PRCP: variants seen among roughly 807,000 people sequenced by gnomAD.
PRCP encodes the protein lysosomal Pro-X carboxypeptidase.
In PRCP, 46 loss-of-function variants were observed where a neutral mutation model predicts 54.2. That is an observed-to-expected ratio of 0.85 (90% confidence interval 0.67 to 1.09). The LOEUF is 1.09. Ranked by LOEUF, PRCP falls within the 50% of genes least tolerant of loss-of-function variation. PRCP has a pLI of 0.00. For missense variants in PRCP, 613 were observed against 596.8 expected, an observed-to-expected ratio of 1.03 and a Z score of -0.28; for synonymous variants, 240 against 212.2, an observed-to-expected ratio of 1.13 and a Z score of -1.14.
chr11:82,849,024 T>C, intron 6 of PRCP, 25 bp downstream of exon 6: 1 of 1,596,268 alleles, frequency 6.3e-7, no homozygotes, highest in Admixed American at 1.7e-5. Context: ...TATTAAAAAA[T>C]GATGACAGGA....
chr11:82,895,262 G>A (rs896139231), intron 1 of PRCP, among the ~76,000 whole-genome samples: 4 of 152,190 alleles, frequency 2.6e-5, no homozygotes, highest in Non-Finnish European at 4.4e-5. Context: ...AACTTACTCA[G>A]GTAGTGGCAG....
chr11:82,836,439 T>G (rs958530951), intron 8 of PRCP: 1 of 153,404 alleles, frequency 6.5e-6, no homozygotes, highest in African/African-American at 2.4e-5. Flanking sequence ...CCAAGAAAAC[T>G]CCTTTCATCA....
At chr11:82,841,005 T>G (rs2121104604) in intron 6 of PRCP, among the ~76,000 whole-genome samples, 1 of 96,530 alleles carries the variant, frequency 1.0e-5, no homozygotes, top group East Asian at 2.4e-4. Flanking sequence ...TGACATGAAT[T>G]CAGTAATCTG....
intron 8 of PRCP, among the ~76,000 whole-genome samples, chr11:82,837,929 A>G (rs1174312954): frequency 6.6e-6 from 1 of 152,180 alleles, no homozygotes; most frequent in Non-Finnish European, 1.5e-5. Flanking sequence ...CCTTCACAGT[A>G]AAAAAGGGGC....
intron 8 of PRCP, chr11:82,836,999 T>C (rs1489202428): frequency 3.7e-6 from 1 of 267,168 alleles, no homozygotes; most frequent in Non-Finnish European, 7.5e-6. Context: ...GCTCCACCCT[T>C]ATGAACAGAG....
In PRCP at chr11:82,850,383, G is replaced by C. The variant is rs1858925278; in HGVS notation, c.534C>G (p.Gly178=). ...AGGCGGCAAGCATGCCACCATAGGA[G>C]CCTCCTATGGCAATGACAGGTTGAT... is the stretch of plus-strand genomic sequence containing the variant. ...AENQPVIAIG[G]SYGGMLAAWF... is the part of the protein sequence containing the mutation. The change falls in exon 4 of 9, where the codon GGC becomes GGG. Residue 178 remains glycine, a synonymous_variant. Transcript: ENST00000313010. The C allele has an allele frequency of 6.3e-7, 1 of 1,596,972 alleles. No homozygotes were observed. The highest frequency in any genetic ancestry group is 8.5e-7 in the Non-Finnish European group (1 of 1,170,604).
chr11:82,882,230 C>T (rs995963432), intron 1 of PRCP, among the ~76,000 whole-genome samples: 55 of 151,862 alleles, frequency 3.6e-4, no homozygotes, highest in African/African-American at 1.2e-3. Context: ...TGAAAAAAAA[C>T]GTTTATAAGT....
rs1405437788 is a variant in PRCP, at chr11:82,849,058, C to T, written c.912G>A (p.Trp304Ter). 1 of 1,612,830 alleles carries T rather than the reference C, an allele frequency of 6.2e-7. No homozygotes were observed. Among genetic ancestry groups the T allele is most frequent in the Non-Finnish European group, 8.5e-7 (1 of 1,179,510 alleles). The stretch of plus-strand genomic sequence containing the variant: ...GACATTTTCCTATTACCTTGATAGG[C>T]CAAGCAGGCAAAGGCTGTAAAAAGT... ...ASNFLQPLPAWPIKVVCQYLK... is the reference protein window; with the variant it reads ...ASNFLQPLPA The change falls in exon 6 of 9, where the codon TGG becomes TGA. Residue 304 changes from tryptophan to a stop codon, truncating the protein, a stop_gained. Coordinates refer to ENST00000313010, the MANE Select transcript of PRCP (RefSeq NM_005040.4). LOFTEE classifies it high-confidence loss of function.
At chr11:82,836,423 T>C (rs1449194329) in intron 8 of PRCP, 1 of 153,590 alleles carries the variant, frequency 6.5e-6, no homozygotes. Flanking sequence ...GTCGTCCAAG[T>C]AGGAACCAAG....
chr11:82,896,622 T>C (rs544666195), intron 1 of PRCP, among the ~76,000 whole-genome samples: 1 of 130,792 alleles, frequency 7.6e-6, no homozygotes, highest in African/African-American at 3.0e-5. Flanking sequence ...GATGTTGCAG[T>C]GAGCCGAGAT....
At chr11:82,863,280 G>A (rs7131380) in intron 1 of PRCP, among the ~76,000 whole-genome samples, 59,669 of 152,036 alleles carry the variant, frequency 0.39, 12,631 homozygotes, top group African/African-American at 0.56. Flanking sequence ...AGGTTTCAGA[G>A]TACCTGAAAT....
intron 1 of PRCP, among the ~76,000 whole-genome samples, chr11:82,875,431 C>T (rs1859580593): frequency 6.6e-6 from 1 of 152,168 alleles, no homozygotes; most frequent in Non-Finnish European, 1.5e-5. Context: ...GGTGTGTTAG[C>T]CTCAGGAAAT....
At chr11:82,849,877 A>G (rs770605688) in intron 5 of PRCP, 37 bp downstream of exon 5, 14 of 1,363,000 alleles carry the variant, frequency 1.0e-5, no homozygotes, top group Middle Eastern at 3.9e-4. Context: ...GAAAGGTTAA[A>G]AAAACACACA....
Position 82,824,669 on chromosome 11 carries a change from T to C in PRCP, c.*237A>G. On this transcript the variant is annotated 3_prime_UTR_variant, in exon 9 of 9. Transcript: ENST00000313010. ...CTCCAGTTATGAGGGCCACTGATGG[T>C]GTGGGAGAGCTATCAAGAAGATTCT... 2 of 494,342 alleles carry C rather than the reference T, an allele frequency of 4.0e-6. No homozygotes were observed. The highest frequency in any genetic ancestry group is 4.4e-5 in the South Asian group (2 of 45,826). The allele number at this position is 494,342 out of a possible 1,614,324, so 30.6% of individuals were successfully genotyped here.
intron 1 of PRCP, among the ~76,000 whole-genome samples, chr11:82,868,081 C>T (rs1268318347): frequency 6.6e-6 from 1 of 152,116 alleles, no homozygotes; most frequent in Admixed American, 6.5e-5. Flanking sequence ...GATTCAAAAT[C>T]TGTGCTGTCA....
intron 1 of PRCP, among the ~76,000 whole-genome samples, chr11:82,877,871 T>C (rs547136992): frequency 6.6e-6 from 1 of 152,266 alleles, no homozygotes; most frequent in South Asian, 2.1e-4. Flanking sequence ...GATCCCAGAA[T>C]GGTAGACCCA....
At chr11:82,844,314 T>C (rs1858748558) in intron 6 of PRCP, among the ~76,000 whole-genome samples, 1 of 152,134 alleles carries the variant, frequency 6.6e-6, no homozygotes, top group Non-Finnish European at 1.5e-5. Context: ...TCCCAGTTAC[T>C]CAGGAGGCTT....
At chr11:82,879,028 G>A (rs76468979) in intron 1 of PRCP, among the ~76,000 whole-genome samples, 5 of 152,044 alleles carry the variant, frequency 3.3e-5, no homozygotes, top group South Asian at 2.1e-4. Context: ...TGCTCTTCTC[G>A]AGGAGTATCT....
chr11:82,888,066 T>C (rs1270919161), intron 1 of PRCP, among the ~76,000 whole-genome samples: 1 of 152,200 alleles, frequency 6.6e-6, no homozygotes, highest in Non-Finnish European at 1.5e-5. Flanking sequence ...CACATAAAAC[T>C]GTGCTTAAAT....
Sources: allele counts gnomAD v4.1 joint callset (sites outside exome capture counted in the v4.1 genomes callset), GRCh38; gene constraint gnomAD v4.1.1; transcripts MANE v1.5; gene names NCBI Gene and HGNC (gene_info 2026-07-23, HGNC 2026-07-21).